The following ARMC8 variants were observed in gnomAD, a reference collection of about 807,000 sequenced individuals.
ARMC8 encodes the protein armadillo repeat-containing protein 8.
In ARMC8, 20 loss-of-function variants were observed where a neutral mutation model predicts 99.3. The ratio of observed to expected loss-of-function variants is 0.20; its 90% confidence interval spans 0.14 to 0.29. The LOEUF is 0.29. ARMC8 is among the 10% of genes least tolerant of loss of function. The probability of loss-of-function intolerance (pLI) is 1.00; values close to 1 mark genes in which losing one functional copy is unlikely to be tolerated. For synonymous variants in ARMC8, 263 were observed against 278.3 expected, an observed-to-expected ratio of 0.95 and a Z score of 0.55; for missense variants, 569 against 809.5, an observed-to-expected ratio of 0.70 and a Z score of 3.60.
chr3:138,263,593 C>T, intron 12 of ARMC8, 146 bp from the exon 13 acceptor site: 1 of 722,108 alleles, frequency 1.4e-6, no homozygotes, highest in Non-Finnish European at 2.4e-6. Context: ...TGCCCGCCCC[C>T]AGCGCAAGAT....
At chr3:138,281,433 C>CA (rs2049918691) in intron 18 of ARMC8, among the ~76,000 whole-genome samples, 1 of 152,016 alleles carries the variant, frequency 6.6e-6, no homozygotes. Context: ...GCTGGGACTA[C>CA]AGGCATGCGC....
rs1196809220 is a variant in ARMC8 at position 138,245,254 on chromosome 3, CGTG to C, written c.1134+75_1134+77del. The C allele has an allele frequency of 6.8e-6, 11 of 1,613,870 alleles. No individual in the cohort carries two copies. In the African/African-American group the frequency reaches 1.3e-4, roughly 20 times the overall value. ...CAGGGAGTGACGTCAACCTGAAAGTCGTGGTGAAGAGCACTAACAGTGACTGTT... is the reference window on the plus strand; with the variant it reads ...CAGGGAGTGACGTCAACCTGAAAGTCGTGAAGAGCACTAACAGTGACTGTT... On this transcript the variant is annotated intron_variant, in intron 12 of 21. Transcript: ENST00000469044.
intron 21 of ARMC8, among the ~76,000 whole-genome samples, chr3:138,293,223 G>A (rs981459968): frequency 5.3e-5 from 8 of 152,130 alleles, no homozygotes; most frequent in Admixed American, 4.6e-4. Flanking sequence ...CTGCTTCCCC[G>A]AAGCTTACCA....
chr3:138,275,276 G>A (rs1452602401), intron 18 of ARMC8, among the ~76,000 whole-genome samples: 1 of 152,176 alleles, frequency 6.6e-6, no homozygotes, highest in East Asian at 1.9e-4. Context: ...TCATTAAGCT[G>A]GACGGGTACA....
In ARMC8 at chr3:138,187,519, G is replaced by A. The variant is rs1046095296; in HGVS notation, c.-36G>A. On this transcript the variant is annotated 5_prime_UTR_variant, in exon 1 of 22. Transcript: ENST00000469044. ...GGCTGTCGAAAGTGCCGGCCCCCGC[G>A]CCGGCGCCTGCAGCAGCCGGGTGGG... 19 of 1,534,866 alleles carry A rather than the reference G, an allele frequency of 1.2e-5. No individual in the cohort carries two copies. The African/African-American group carries it at 2.2e-4, about 18-fold the overall frequency.
chr3:138,231,961 C>CTTTTTTTTTTT (rs61298993), intron 6 of ARMC8, among the ~76,000 whole-genome samples: 2 of 58,636 alleles, frequency 3.4e-5, no homozygotes, highest in African/African-American at 8.2e-5. Context: ...CTTGCAATTG[C>CTTTTTTTTTTT]TTTTTTTTTT....
intron 2 of ARMC8, among the ~76,000 whole-genome samples, chr3:138,220,459 G>C (rs920132540): frequency 5.9e-5 from 9 of 152,164 alleles, no homozygotes; most frequent in Admixed American, 6.5e-5. Context: ...TGAGCTAATG[G>C]AAGAAAGACC....
intron 1 of ARMC8, among the ~76,000 whole-genome samples, chr3:138,193,344 T>G (rs1338274766): frequency 6.6e-6 from 1 of 152,150 alleles, no homozygotes; most frequent in Non-Finnish European, 1.5e-5. Flanking sequence ...CACTGCAACC[T>G]CTGCCTCCCA....
At chr3:138,193,160 G>T (rs1366696277) in intron 1 of ARMC8, among the ~76,000 whole-genome samples, 1 of 151,946 alleles carries the variant, frequency 6.6e-6, no homozygotes. Flanking sequence ...GTAGAGATGG[G>T]GTTTCACCAT....
intron 6 of ARMC8, among the ~76,000 whole-genome samples, chr3:138,231,039 AC>A (rs1375528127): frequency 7.2e-5 from 11 of 152,334 alleles, no homozygotes; most frequent in African/African-American, 2.4e-4. Context: ...ACCTTTACTC[AC>A]CTTTTAATTG....
intron 21 of ARMC8, among the ~76,000 whole-genome samples, chr3:138,294,738 A>T (rs2051307273): frequency 6.6e-6 from 1 of 152,134 alleles, no homozygotes. Flanking sequence ...TCCCACGATT[A>T]CAGCCTCTTT....
At chr3:138,262,238 A>C in intron 12 of ARMC8, 1 of 252,494 alleles carries the variant, frequency 4.0e-6, no homozygotes, top group Non-Finnish European at 7.5e-6. Context: ...AAAGGGAGGA[A>C]TTTAGGGGCT....
chr3:138,262,503 C>G, intron 12 of ARMC8: 1 of 1,595,172 alleles, frequency 6.3e-7, no homozygotes, highest in Non-Finnish European at 8.5e-7. Flanking sequence ...TTTCCACTCT[C>G]TCATGTTCTA....
At chr3:138,190,378 C>CG (rs1272923269) in intron 1 of ARMC8, among the ~76,000 whole-genome samples, 11 of 151,256 alleles carry the variant, frequency 7.3e-5, no homozygotes, top group Non-Finnish European at 1.5e-4. Context: ...CCACCGCCTC[C>CG]GGGGTTCAAG....
At chr3:138,208,436 T>C (rs2044511236) in intron 1 of ARMC8, among the ~76,000 whole-genome samples, 1 of 152,166 alleles carries the variant, frequency 6.6e-6, no homozygotes, top group Non-Finnish European at 1.5e-5. Flanking sequence ...TGCTGGACTC[T>C]AGCCTGGGCA....
intron 12 of ARMC8, chr3:138,245,931 A>G: frequency 2.0e-6 from 2 of 985,482 alleles, no homozygotes; most frequent in Non-Finnish European, 2.4e-6. Flanking sequence ...TTTCAAGACC[A>G]TCAGAGAGCA....
chr3:138,269,487 G>C lies in ARMC8; in HGVS notation c.1387-553G>C, dbSNP rs191350025. On this transcript the variant is annotated intron_variant, in intron 15 of 21. Coordinates refer to ENST00000469044, the MANE Select transcript of ARMC8 (RefSeq NM_001363941.2). ...ACAGGACTGTTTTGCTTGTATAATT[G>C]ATAAGTAGTCCTGAAAATATCCTAA... Among the ~76,000 whole-genome samples, 100 of 152,282 alleles carry C rather than the reference G, an allele frequency of 6.6e-4. 1 individual carries two copies. The highest frequency in any genetic ancestry group is 6.1e-3 in the Admixed American group (93 of 15,288).
In ARMC8 at chr3:138,235,086, C is replaced by G. The variant is rs771324573; in HGVS notation, c.581C>G (p.Ala194Gly). 3 of 1,613,690 alleles carry G rather than the reference C, an allele frequency of 1.9e-6. No homozygotes were observed. The highest frequency in any genetic ancestry group is 2.5e-6 in the Non-Finnish European group (3 of 1,179,718). The part of the protein sequence containing the change: ...LFNHGAVQNI[A>G]HLLTSLSYKV... ...AACCACGGTGCAGTTCAGAATATTG[C>G]TCACCTACTAACCTCACTGTCCTAC... Residue 194 changes from alanine to glycine, a missense_variant, in exon 7 of 22, where the codon GCT becomes GGT. Coordinates refer to ENST00000469044, the MANE Select transcript of ARMC8 (RefSeq NM_001363941.2).
At chr3:138,206,332 A>G (rs111800150) in intron 1 of ARMC8, among the ~76,000 whole-genome samples, 6,222 of 152,298 alleles carry the variant, frequency 0.041, 407 homozygotes, top group African/African-American at 0.14. Context: ...TCAAATTTCA[A>G]TTGCCATATG....
Sources: allele counts gnomAD v4.1 joint callset (sites outside exome capture counted in the v4.1 genomes callset), GRCh38; gene constraint gnomAD v4.1.1; transcripts MANE v1.5; gene names NCBI Gene and HGNC (gene_info 2026-07-23, HGNC 2026-07-21).